Variants in AKR1D1 observed in about 807,000 individuals in gnomAD.
AKR1D1 encodes the protein aldo-keto reductase family 1 member D1.
Under a neutral mutation model 42.6 loss-of-function variants are expected in AKR1D1, and 32 were observed. That is an observed-to-expected ratio of 0.75 (90% CI 0.57 to 1.01). The LOEUF (loss-of-function observed/expected upper bound fraction) is 1.01. Ranked by LOEUF, AKR1D1 falls within the 50% of genes least tolerant of loss-of-function variation. The pLI is 0.00. For missense variants in AKR1D1, 364 were observed against 402.2 expected (o/e 0.91, Z 0.81); for synonymous variants, 123 against 135.5 (o/e 0.91, Z 0.64).
chr7:138,085,706 G>A (rs760722110), intron 1 of AKR1D1, among the ~76,000 whole-genome samples: 81 of 151,864 alleles, frequency 5.3e-4, no homozygotes, highest in Non-Finnish European at 7.2e-4. Context: ...CTGGGCCTCC[G>A]AAAGTGCTGG....
intron 1 of AKR1D1, among the ~76,000 whole-genome samples, chr7:138,086,306 C>G (rs1286959642): frequency 6.6e-6 from 1 of 152,182 alleles, no homozygotes; most frequent in African/African-American, 2.4e-5. Flanking sequence ...TCCCACTGTA[C>G]TTTGGTTGTC....
chr7:138,107,563 A>G lies in AKR1D1; in HGVS notation c.838A>G (p.Ile280Val). ...VIPKSFNLERIKENFQIFDFS... is the reference protein window; with the variant it reads ...VIPKSFNLERVKENFQIFDFS... Reference sequence around the variant, plus strand: ...TCCTAAAAGCTTTAATCTTGAAAGGATCAAAGAAAATTTTCAGGTAAGAGA... The same window carrying G: ...TCCTAAAAGCTTTAATCTTGAAAGGGTCAAAGAAAATTTTCAGGTAAGAGA... The change falls in exon 7 of 9, where the codon ATC (isoleucine) becomes GTC (valine). Residue 280 changes from isoleucine (I) to valine (V), a missense_variant. By Grantham distance (29) the Ile-to-Val change is conservative. Transcript: ENST00000242375. The G allele has an allele frequency of 6.2e-7, 1 of 1,613,878 alleles. No homozygotes were observed. Among genetic ancestry groups the G allele is most frequent in the Non-Finnish European group, 8.5e-7 (1 of 1,180,000 alleles).
intron 2 of AKR1D1, among the ~76,000 whole-genome samples, chr7:138,089,750 C>T (rs1392896179): frequency 1.3e-5 from 2 of 152,138 alleles, no homozygotes; most frequent in South Asian, 4.1e-4. Flanking sequence ...TGTTTACTTA[C>T]GTAAACAGAA....
intron 1 of AKR1D1, among the ~76,000 whole-genome samples, chr7:138,077,411 A>T (rs1802962966): frequency 6.6e-6 from 1 of 152,196 alleles, no homozygotes; most frequent in African/African-American, 2.4e-5. Flanking sequence ...CTATCCTGAG[A>T]ACAGCATGGA....
chr7:138,098,317 A>C (rs2117445969), intron 4 of AKR1D1: 1 of 194,296 alleles, frequency 5.1e-6, no homozygotes, highest in Admixed American at 5.5e-5. Flanking sequence ...ACATAAAAAA[A>C]CTGAAAAACA....
chr7:138,095,608 C>T (rs1431477876), intron 3 of AKR1D1, among the ~76,000 whole-genome samples: 1 of 152,164 alleles, frequency 6.6e-6, no homozygotes, highest in Non-Finnish European at 1.5e-5. Flanking sequence ...TCACTGCAAT[C>T]TCCGCCTCCC....
chr7:138,095,008 G>A (rs1254538480), intron 3 of AKR1D1, among the ~76,000 whole-genome samples: 1 of 152,140 alleles, frequency 6.6e-6, no homozygotes, highest in Non-Finnish European at 1.5e-5. Flanking sequence ...TTAAAGGGTT[G>A]GGTTATTCTT....
chr7:138,090,815 A>G (rs1186973946), intron 2 of AKR1D1, among the ~76,000 whole-genome samples: 1 of 152,150 alleles, frequency 6.6e-6, no homozygotes, highest in Non-Finnish European at 1.5e-5. Context: ...GGATCAACCA[A>G]ACCTTGATCC....
At chr7:138,109,335 TAAAG>T (rs1794493422) in intron 7 of AKR1D1, among the ~76,000 whole-genome samples, 1 of 152,228 alleles carries the variant, frequency 6.6e-6, no homozygotes, top group Admixed American at 6.5e-5. Context: ...AAATGATTTA[TAAAG>T]AGATTTAGTC....
chr7:138,085,446 C>CTTTTT (rs67935838), intron 1 of AKR1D1, among the ~76,000 whole-genome samples: 2 of 129,802 alleles, frequency 1.5e-5, no homozygotes, highest in Admixed American at 8.2e-5. Flanking sequence ...CTTTTCTTTC[C>CTTTTT]TTTTTTTTTT....
At chr7:138,090,255 T>G (rs572114202) in intron 2 of AKR1D1, among the ~76,000 whole-genome samples, 1 of 152,286 alleles carries the variant, frequency 6.6e-6, no homozygotes, top group African/African-American at 2.4e-5. Flanking sequence ...ATTTTCTCTG[T>G]GTTTTTAAGG....
At chr7:138,113,035 C>T (rs1324254661) in intron 7 of AKR1D1, among the ~76,000 whole-genome samples, 3 of 152,016 alleles carry the variant, frequency 2.0e-5, no homozygotes, top group Admixed American at 6.6e-5. Flanking sequence ...CAAATTTAGG[C>T]CAGGCGTGGT....
chr7:138,088,868 A>T, intron 2 of AKR1D1, 100 bp downstream of exon 2: 2 of 1,229,292 alleles, frequency 1.6e-6, no homozygotes, highest in South Asian at 2.6e-5. Flanking sequence ...AATTGCACTC[A>T]TGAGTAGGCA....
Position 138,097,910 on chromosome 7 carries a change from A to G in AKR1D1, c.423A>G (p.Leu141=), listed in dbSNP as rs1747720562. 1 of 1,611,442 alleles carries G rather than the reference A, an allele frequency of 6.2e-7. No homozygotes were observed. Among genetic ancestry groups the G allele is most frequent in the Non-Finnish European group, 8.5e-7 (1 of 1,179,252 alleles). Residue 141 remains leucine (L), a synonymous_variant, in exon 4 of 9, where the codon TTA becomes TTG. Transcript: ENST00000242375. ...IYPRDENGKW[L]YHKSNLCATW... ...CTAGAGATGAGAATGGCAAATGGTT[A>G]TATCACAAGTCAAATCTGTGTGCCA... is the stretch of plus-strand genomic sequence containing the variant.
intron 3 of AKR1D1, among the ~76,000 whole-genome samples, chr7:138,093,202 G>A (rs913041867): frequency 6.6e-5 from 10 of 151,750 alleles, no homozygotes; most frequent in Admixed American, 2.6e-4. Context: ...CCAAGTAGCC[G>A]GGACTACAGG....
At chr7:138,111,635 G>C (rs1317921003) in intron 7 of AKR1D1, among the ~76,000 whole-genome samples, 1 of 151,960 alleles carries the variant, frequency 6.6e-6, no homozygotes, top group Admixed American at 6.6e-5. Context: ...TTTGTGCCAT[G>C]GGAGAAAAAA....
At chr7:138,082,162 C>T (rs1423835109) in intron 1 of AKR1D1, among the ~76,000 whole-genome samples, 1 of 152,156 alleles carries the variant, frequency 6.6e-6, no homozygotes, top group African/African-American at 2.4e-5. Context: ...TTCCTTCTAC[C>T]TAATTCCTTC....
chr7:138,088,191 C>T (rs1793977123), intron 1 of AKR1D1, among the ~76,000 whole-genome samples: 1 of 152,098 alleles, frequency 6.6e-6, no homozygotes, highest in East Asian at 1.9e-4. Context: ...ACACCAGGCC[C>T]ACTTCATTCC....
At chr7:138,079,646 TTGGATGACATC>T (rs1228520099) in intron 1 of AKR1D1, among the ~76,000 whole-genome samples, 3 of 152,190 alleles carry the variant, frequency 2.0e-5, no homozygotes, top group African/African-American at 7.2e-5. Flanking sequence ...CATTCAGATT[TTGGATGACATC>T]TGGATGGCAT....
Sources: gnomAD v4.1 joint callset for allele counts (sites outside exome capture counted in the v4.1 genomes callset) on GRCh38, gnomAD v4.1.1 for gene constraint, MANE v1.5 for transcripts, NCBI Gene and HGNC (gene_info 2026-07-23, HGNC 2026-07-21) for gene names.